The following DACH2 variants were observed in gnomAD, a reference collection of about 807,000 sequenced individuals.
The protein encoded by DACH2 is dachshund family transcription factor 2.
Under a neutral mutation model 35.8 loss-of-function variants are expected in DACH2, and 17 were observed. The observed-to-expected ratio is 0.48, with a 90% confidence interval of 0.33 to 0.71. The LOEUF (loss-of-function observed/expected upper bound fraction) is 0.71, where lower values mean the gene tolerates loss of function less well. Among genes scored for constraint, DACH2 ranks in the 30% least tolerant of loss-of-function variants. The probability of loss-of-function intolerance (pLI) is 0.02; values close to 1 mark genes in which losing one functional copy is unlikely to be tolerated. For missense variants in DACH2, 469 were observed against 472.7 expected (o/e 0.99, Z 0.07); for synonymous variants, 195 against 177.3 (o/e 1.10, Z -0.79).
intron 1 of DACH2, among the ~76,000 whole-genome samples, chrX:86,288,509 G>GC (rs1366667798): frequency 3.6e-5 from 4 of 112,292 alleles, no homozygotes; most frequent in South Asian, 7.4e-4. Flanking sequence ...ACCAAGAGGT[G>GC]CTGTCTGGGA....
chrX:86,439,760 T>C (rs2037129878), intron 2 of DACH2, among the ~76,000 whole-genome samples: 1 of 111,917 alleles, frequency 8.9e-6, no homozygotes, highest in African/African-American at 3.2e-5. Context: ...GTGCCTTCAA[T>C]GCTGTAAATT....
intron 3 of DACH2, among the ~76,000 whole-genome samples, chrX:86,525,023 T>A (rs1238559686): frequency 8.9e-6 from 1 of 111,883 alleles, no homozygotes; most frequent in Non-Finnish European, 1.9e-5. Context: ...GAGGTAAGCA[T>A]TTTTAGCGTT....
intron 3 of DACH2, among the ~76,000 whole-genome samples, chrX:86,630,530 T>C (rs1247917620): frequency 9.0e-6 from 1 of 110,664 alleles, no homozygotes; most frequent in East Asian, 2.8e-4. Flanking sequence ...TCTCACCCAA[T>C]TTCTCCATTT....
chrX:86,486,124 G>A (rs1005823808), intron 2 of DACH2, among the ~76,000 whole-genome samples: 3 of 110,724 alleles, frequency 2.7e-5, no homozygotes, highest in Non-Finnish European at 5.7e-5. Context: ...ATTTTTACCT[G>A]GCAGGACTGT....
intron 2 of DACH2, among the ~76,000 whole-genome samples, chrX:86,406,899 C>T (rs891867072): frequency 2.7e-5 from 3 of 111,924 alleles, no homozygotes; most frequent in Non-Finnish European, 5.6e-5. Context: ...TTTCAGTTTG[C>T]TTTAAATCCA....
chrX:86,445,147 A>C (rs1422655990), intron 2 of DACH2, among the ~76,000 whole-genome samples: 4 of 110,487 alleles, frequency 3.6e-5, no homozygotes, highest in African/African-American at 1.3e-4. Context: ...TTTTTGAAGC[A>C]ATTGTATATT....
At chrX:86,662,458 G>A (rs981958893) in intron 4 of DACH2, among the ~76,000 whole-genome samples, 1 of 110,969 alleles carries the variant, frequency 9.0e-6, no homozygotes, top group Admixed American at 9.6e-5. Flanking sequence ...AATTAGCCGG[G>A]CGTGGTGGCA....
chrX:86,380,964 C>T (rs952816383), intron 2 of DACH2, among the ~76,000 whole-genome samples: 19 of 110,129 alleles, frequency 1.7e-4, no homozygotes, highest in African/African-American at 5.9e-4. Flanking sequence ...GTTATACTAC[C>T]TTGTATAACA....
chrX:86,419,268 G>A (rs372340943), intron 2 of DACH2, among the ~76,000 whole-genome samples: 3 of 111,594 alleles, frequency 2.7e-5, no homozygotes, highest in Admixed American at 9.5e-5. Context: ...CTACTGGTAC[G>A]AATTTACTGT....
chrX:86,718,652 G>A (rs1023166310), intron 6 of DACH2, among the ~76,000 whole-genome samples: 23 of 111,558 alleles, frequency 2.1e-4, no homozygotes, highest in African/African-American at 7.5e-4. Flanking sequence ...GTTGATTTTT[G>A]AATATGCTGA....
intron 3 of DACH2, among the ~76,000 whole-genome samples, chrX:86,585,930 A>G (rs1185671989): frequency 1.8e-5 from 2 of 111,449 alleles, no homozygotes; most frequent in African/African-American, 3.3e-5. Flanking sequence ...TATATACCCA[A>G]TAGTGGAATT....
intron 3 of DACH2, among the ~76,000 whole-genome samples, chrX:86,603,496 A>G (rs993384452): frequency 3.6e-5 from 4 of 110,660 alleles, no homozygotes; most frequent in Admixed American, 9.6e-5. Context: ...AACATCTCAT[A>G]AAAATCTCAT....
At chrX:86,452,761 A>T (rs961646091) in intron 2 of DACH2, among the ~76,000 whole-genome samples, 1 of 110,978 alleles carries the variant, frequency 9.0e-6, no homozygotes, top group African/African-American at 3.3e-5. Flanking sequence ...ATTTTTTAAA[A>T]AATCAGCTTC....
chrX:86,603,124 CTA>C (rs1446017323), intron 3 of DACH2, among the ~76,000 whole-genome samples: 5 of 111,046 alleles, frequency 4.5e-5, no homozygotes, highest in Non-Finnish European at 5.7e-5. Context: ...ATGGTCTACT[CTA>C]TGTTTGTTTC....
At chrX:86,749,027 TTTC>T (rs1459852175) in intron 7 of DACH2, among the ~76,000 whole-genome samples, 1 of 112,003 alleles carries the variant, frequency 8.9e-6, no homozygotes, top group African/African-American at 3.2e-5. Context: ...GATACCAACT[TTTC>T]TTCTGCAGCT....
intron 2 of DACH2, among the ~76,000 whole-genome samples, chrX:86,378,215 G>C (rs1259426580): frequency 9.2e-6 from 1 of 108,710 alleles, no homozygotes; most frequent in Non-Finnish European, 1.9e-5. Context: ...TTTATTTCTG[G>C]ATTATCAAAA....
chrX:86,310,835 G>A (rs2034785574), intron 1 of DACH2, among the ~76,000 whole-genome samples: 1 of 111,516 alleles, frequency 9.0e-6, no homozygotes, highest in South Asian at 3.9e-4. Context: ...CAGTGGAGGA[G>A]GAGTTTAATA....
intron 6 of DACH2, among the ~76,000 whole-genome samples, chrX:86,738,144 A>G (rs1276950444): frequency 1.8e-5 from 2 of 111,459 alleles, no homozygotes; most frequent in African/African-American, 3.3e-5. Flanking sequence ...TCCCTATTTC[A>G]TGATTCTCAA....
intron 6 of DACH2, among the ~76,000 whole-genome samples, chrX:86,735,775 A>G (rs185944734): frequency 8.3e-4 from 93 of 111,885 alleles, no homozygotes; most frequent in African/African-American, 2.6e-3. Flanking sequence ...GAAAAGTAAC[A>G]GGGTTGTAAA....
Sources: gnomAD v4.1 joint callset for allele counts (sites outside exome capture counted in the v4.1 genomes callset) on GRCh38, gnomAD v4.1.1 for gene constraint, MANE v1.5 for transcripts, NCBI Gene and HGNC (gene_info 2026-07-23, HGNC 2026-07-21) for gene names.